ADGRL3: variants seen among roughly 807,000 people sequenced by gnomAD.
ADGRL3 encodes the protein adhesion G protein-coupled receptor L3, also known as calcium-independent alpha-latrotoxin receptor 3.
ADGRL3 carries 62 observed loss-of-function variants against 153.5 expected under a neutral mutation model. That is an observed-to-expected ratio of 0.40 (90% CI 0.33 to 0.50). ADGRL3 has a LOEUF of 0.50. ADGRL3 is among the 20% of genes least tolerant of loss of function. ADGRL3 has a pLI of 0.47. For synonymous variants in ADGRL3, 710 were observed against 672.5 expected (o/e 1.06, Z -0.86); for missense variants, 1,641 against 1,859.4 (o/e 0.88, Z 2.16).
chr4:62,023,797 C>T (rs1039630945), intron 21 of ADGRL3, among the ~76,000 whole-genome samples: 1 of 152,084 alleles, frequency 6.6e-6, no homozygotes, highest in African/African-American at 2.4e-5. Context: ...ATAATGTAAA[C>T]ATAACTTTTA....
chr4:61,587,831 AAAG>A (rs1407013169), intron 5 of ADGRL3, among the ~76,000 whole-genome samples: 12 of 152,124 alleles, frequency 7.9e-5, no homozygotes, highest in African/African-American at 2.4e-4. Flanking sequence ...GTAGGGAAAA[AAAG>A]AAGTAAAAAT....
chr4:62,047,360 TATC>T (rs894588689), intron 25 of ADGRL3, among the ~76,000 whole-genome samples: 14 of 152,186 alleles, frequency 9.2e-5, no homozygotes, highest in Admixed American at 3.9e-4. Context: ...TTGTATGTCT[TATC>T]ATCTATTCTT....
chr4:61,920,362 G>A (rs1280301382), intron 13 of ADGRL3, among the ~76,000 whole-genome samples: 2 of 152,064 alleles, frequency 1.3e-5, no homozygotes, highest in Admixed American at 6.6e-5. Context: ...AACTTTTTTG[G>A]TACAGGTCAG....
In ADGRL3 at chr4:61,493,527, T is replaced by C. The variant is rs148829052; in HGVS notation, c.-173-3594T>C. Reference sequence around the variant, plus strand: ...ATGAAATAAATGATTCCAGTTGTAATTGAAGCCAGAGTTAACAATAGCAAT... The same window carrying C: ...ATGAAATAAATGATTCCAGTTGTAACTGAAGCCAGAGTTAACAATAGCAAT... On this transcript the variant is annotated intron_variant, in intron 2 of 26. Coordinates refer to ENST00000683033, the MANE Select transcript of ADGRL3 (RefSeq NM_001387552.1). 9.6e-3 allele frequency among the ~76,000 whole-genome samples: 1,457 copies of C among 152,334 alleles called. 15 individuals are homozygous for C. Among genetic ancestry groups the C allele is most frequent in the Non-Finnish European group, 0.016 (1,065 of 68,018 alleles).
chr4:61,988,148 G>A (rs2150943206), intron 19 of ADGRL3, among the ~76,000 whole-genome samples: 1 of 152,100 alleles, frequency 6.6e-6, no homozygotes, highest in East Asian at 1.9e-4. Context: ...TACACACAAA[G>A]CATACAAATT....
chr4:61,276,465 C>T (rs1003029588), intron 1 of ADGRL3, among the ~76,000 whole-genome samples: 1 of 152,094 alleles, frequency 6.6e-6, no homozygotes, highest in Non-Finnish European at 1.5e-5. Flanking sequence ...TCACTAGTGA[C>T]GATTTTACAG....
chr4:61,725,940 T>G (rs1436108450), intron 6 of ADGRL3, among the ~76,000 whole-genome samples: 1 of 152,108 alleles, frequency 6.6e-6, no homozygotes, highest in African/African-American at 2.4e-5. Context: ...AAATACAATA[T>G]CACATTGTTA....
intron 5 of ADGRL3, among the ~76,000 whole-genome samples, chr4:61,591,738 G>C (rs1228673563): frequency 1.3e-5 from 2 of 151,754 alleles, no homozygotes; most frequent in Non-Finnish European, 2.9e-5. Context: ...TTTAGACTCA[G>C]GTTGTTCACA....
intron 6 of ADGRL3, among the ~76,000 whole-genome samples, chr4:61,699,049 C>T (rs1368377086): frequency 6.6e-6 from 1 of 152,130 alleles, no homozygotes; most frequent in Non-Finnish European, 1.5e-5. Flanking sequence ...TATTTGGTAA[C>T]ATCTTTCATC....
intron 9 of ADGRL3, among the ~76,000 whole-genome samples, chr4:61,845,397 TGGGA>T (rs1339505112): frequency 1.3e-5 from 2 of 152,068 alleles, no homozygotes; most frequent in South Asian, 4.2e-4. Flanking sequence ...TCACCTGGGC[TGGGA>T]GTACAGTGGC....
At chr4:61,312,720 C>G (rs779646406) in intron 1 of ADGRL3, among the ~76,000 whole-genome samples, 1 of 152,022 alleles carries the variant, frequency 6.6e-6, no homozygotes, top group Non-Finnish European at 1.5e-5. Context: ...ATCCAAAACA[C>G]CAACACCAGC....
chr4:61,790,019 T>G (rs1432443592), intron 8 of ADGRL3, among the ~76,000 whole-genome samples: 5 of 152,184 alleles, frequency 3.3e-5, no homozygotes, highest in African/African-American at 1.2e-4. Flanking sequence ...CACTAAAACT[T>G]TTAGGATACA....
At chr4:61,861,873 G>A (rs2098343560) in intron 9 of ADGRL3, among the ~76,000 whole-genome samples, 1 of 152,060 alleles carries the variant, frequency 6.6e-6, no homozygotes, top group African/African-American at 2.4e-5. Context: ...GAACTGACAA[G>A]CGGAACACCT....
At chr4:61,232,778 G>A (rs138959499) in intron 1 of ADGRL3, among the ~76,000 whole-genome samples, 183 of 152,220 alleles carry the variant, frequency 1.2e-3, no homozygotes, top group Middle Eastern at 0.01. Flanking sequence ...GTGCTTTAAG[G>A]TAATTATTAT....
chr4:61,816,556 G>A (rs2097690480), intron 9 of ADGRL3, among the ~76,000 whole-genome samples: 1 of 152,066 alleles, frequency 6.6e-6, no homozygotes, highest in South Asian at 2.1e-4. Flanking sequence ...ATAAGAAGAG[G>A]AATTAGAACA....
chr4:61,979,069 T>C (rs926808646), intron 17 of ADGRL3, among the ~76,000 whole-genome samples: 2 of 152,178 alleles, frequency 1.3e-5, no homozygotes, highest in Non-Finnish European at 2.9e-5. Flanking sequence ...GAAATTATGA[T>C]ACAAGATTTA....
chr4:61,372,015 A>G (rs1188632203), intron 1 of ADGRL3, among the ~76,000 whole-genome samples: 2 of 151,892 alleles, frequency 1.3e-5, no homozygotes, highest in African/African-American at 4.8e-5. Context: ...TCTCCAGTTG[A>G]TGGTATCGGC....
chr4:61,768,262 G>A (rs1397169217), intron 8 of ADGRL3, among the ~76,000 whole-genome samples: 1 of 152,148 alleles, frequency 6.6e-6, no homozygotes, highest in Non-Finnish European at 1.5e-5. Flanking sequence ...CAGGTGTGAG[G>A]AGGGGAGGCA....
intron 1 of ADGRL3, among the ~76,000 whole-genome samples, chr4:61,301,874 A>G (rs1285983406): frequency 2.0e-5 from 3 of 152,212 alleles, no homozygotes; most frequent in Admixed American, 6.5e-5. Flanking sequence ...TTTTAGTGCT[A>G]TTACCAGAGC....
Sources: gnomAD v4.1 joint callset for allele counts (sites outside exome capture counted in the v4.1 genomes callset) on GRCh38, gnomAD v4.1.1 for gene constraint, MANE v1.5 for transcripts, NCBI Gene and HGNC (gene_info 2026-07-23, HGNC 2026-07-21) for gene names.